Variants in TJP2 observed in about 807,000 individuals in gnomAD.
TJP2 encodes the protein tight junction protein 2.
In TJP2, 91 loss-of-function variants were observed where a neutral mutation model predicts 133.1. The ratio of observed to expected loss-of-function variants is 0.68; its 90% CI spans 0.58 to 0.81. The LOEUF (loss-of-function observed/expected upper bound fraction) is 0.81, where lower values mean the gene tolerates loss of function less well. TJP2 is among the 40% of genes least tolerant of loss of function. The pLI, the probability that TJP2 is intolerant of heterozygous loss-of-function variation, is 0.00. For synonymous variants in TJP2, 592 were observed against 583.4 expected (o/e 1.01, Z -0.21); for missense variants, 1,541 against 1,565.6 (o/e 0.98, Z 0.26).
At position 69,219,033 on chromosome 9, in the gene TJP2, G is replaced by A. The variant is rs528231153; in HGVS notation, c.342+674G>A. ...TGCCCAGGCTGGAGTGCAATGGCAC[G>A]ATCTTGGCTGACCACAATCTCCGCC... On this transcript the variant is annotated intron_variant, in intron 4 of 22. Transcript: ENST00000377245. Among the ~76,000 whole-genome samples, 7 of 150,822 alleles carry A rather than the reference G, an allele frequency of 4.6e-5. No individual in the cohort carries two copies. In the South Asian group the frequency reaches 1.5e-3, roughly 31 times the overall value.
chr9:69,204,639 C>A (rs1482740741), intron 1 of TJP2, among the ~76,000 whole-genome samples: 1 of 152,220 alleles, frequency 6.6e-6, no homozygotes, highest in Non-Finnish European at 1.5e-5. Context: ...CTTGTTATCT[C>A]CAAGGACGTA....
At position 69,249,148 on chromosome 9, in the gene TJP2, T is replaced by TA. The variant is rs895849805; in HGVS notation, c.2881-221dup. The TA allele has an allele frequency of 1.7e-5, 17 of 985,274 alleles. No individual in the cohort carries two copies. The African/African-American group carries it at 2.8e-4, about 16-fold the overall frequency. 61.0% of individuals were successfully genotyped at this position (985,274 alleles called of 1,614,324 possible). On this transcript the variant is annotated intron_variant, in intron 19 of 22. Coordinates refer to ENST00000377245, the MANE Select transcript of TJP2 (RefSeq NM_004817.4). ...AGATTTTAGACTTTTGGAGGGTTCT[T>TA]AAAAAATTGTGCTTTAAAGGAAGAG...
intron 2 of TJP2, among the ~76,000 whole-genome samples, chr9:69,166,671 C>T (rs866294666): frequency 4.6e-5 from 7 of 150,554 alleles, no homozygotes; most frequent in South Asian, 4.3e-4. Flanking sequence ...GACGGGGTTT[C>T]ACCATGTTGG....
At chr9:69,176,287 A>C (rs1317926157) in intron 1 of TJP2, among the ~76,000 whole-genome samples, 3 of 152,190 alleles carry the variant, frequency 2.0e-5, no homozygotes, top group African/African-American at 7.2e-5. Flanking sequence ...AATGACAGAG[A>C]GTACAAGGCA....
At chr9:69,247,404 A>G (rs1383587425) in intron 18 of TJP2, among the ~76,000 whole-genome samples, 1 of 152,158 alleles carries the variant, frequency 6.6e-6, no homozygotes, top group Admixed American at 6.5e-5. Context: ...TTTTGGTGTT[A>G]GTATCCTGTT....
Position 69,199,257 on chromosome 9 carries a change from T to C in TJP2, c.61-13291T>C, listed in dbSNP as rs189299086. Among the ~76,000 whole-genome samples, 377 of 152,244 alleles carry C rather than the reference T, an allele frequency of 2.5e-3. 2 individuals carry two copies. The highest frequency in any genetic ancestry group is 4.6e-3 in the Non-Finnish European group (315 of 68,008). On this transcript the variant is annotated intron_variant, in intron 1 of 22. Transcript: ENST00000377245. The stretch of plus-strand genomic sequence containing the variant: ...GACACAACATAATACCAGAGGGGGC[T>C]GAACGTGGTGGCTCACATCTGTAAT...
chr9:69,174,140 C>CA (rs1824864331), upstream of TJP2: 20 of 1,250,244 alleles, frequency 1.6e-5, no homozygotes, highest in Non-Finnish European at 1.4e-5. Flanking sequence ...GCCAATTTGA[C>CA]AGTTTCCCGG....
intron 5 of TJP2, among the ~76,000 whole-genome samples, chr9:69,224,163 C>T (rs1326903481): frequency 6.6e-6 from 1 of 152,106 alleles, no homozygotes; most frequent in African/African-American, 2.4e-5. Flanking sequence ...CCATAAACTC[C>T]CAAAGCTATG....
chr9:69,156,352 A>C (rs1823755602), intron 2 of TJP2, among the ~76,000 whole-genome samples: 1 of 151,960 alleles, frequency 6.6e-6, no homozygotes, highest in Non-Finnish European at 1.5e-5. Flanking sequence ...ACAGAGTGAG[A>C]CTCTGTCCCA....
At chr9:69,178,551 G>A (rs868520410) in intron 1 of TJP2, among the ~76,000 whole-genome samples, 2 of 152,260 alleles carry the variant, frequency 1.3e-5, no homozygotes, top group South Asian at 2.1e-4. Context: ...CCTTGACCAC[G>A]CCTTCAAGAA....
At chr9:69,137,077 C>T (rs916080371) in intron 1 of TJP2, among the ~76,000 whole-genome samples, 1 of 152,168 alleles carries the variant, frequency 6.6e-6, no homozygotes, top group East Asian at 1.9e-4. Flanking sequence ...TTCCTTAGCT[C>T]TGCCTGATCC....
chr9:69,244,637 C>T (rs1008046704), intron 17 of TJP2, among the ~76,000 whole-genome samples: 1 of 152,148 alleles, frequency 6.6e-6, no homozygotes. Context: ...ATCTGAGAAG[C>T]GGAATGAGAG....
intron 17 of TJP2, among the ~76,000 whole-genome samples, chr9:69,241,678 A>G (rs1255921896): frequency 3.3e-5 from 5 of 152,184 alleles, no homozygotes; most frequent in Admixed American, 2.6e-4. Flanking sequence ...TACTACTAGT[A>G]TTATAATTAT....
intron 2 of TJP2, among the ~76,000 whole-genome samples, chr9:69,161,439 G>A (rs1824066436): frequency 6.6e-6 from 1 of 152,098 alleles, no homozygotes; most frequent in Non-Finnish European, 1.5e-5. Flanking sequence ...ATCTTGGCTA[G>A]GCAGGTCTCG....
chr9:69,169,600 T>G (rs1824567175), upstream of TJP2, among the ~76,000 whole-genome samples: 1 of 152,214 alleles, frequency 6.6e-6, no homozygotes, highest in Admixed American at 6.5e-5. Flanking sequence ...TCTCAGTTGA[T>G]CCATCCGCCT....
upstream of TJP2, among the ~76,000 whole-genome samples, chr9:69,173,653 G>A (rs1409510367): frequency 6.6e-6 from 1 of 152,194 alleles, no homozygotes; most frequent in Non-Finnish European, 1.5e-5. Context: ...GGGGTACAAG[G>A]CCGTGTATGT....
In TJP2 at chr9:69,174,288, C is replaced by G. The variant is rs1824883161; in HGVS notation, c.-85C>G. 6.5e-7 allele frequency: 1 copy of G among 1,549,050 alleles called. No homozygotes were observed. Among genetic ancestry groups the G allele is most frequent in the Admixed American group, 2.0e-5 (1 of 50,942 alleles). On this transcript the variant is annotated 5_prime_UTR_variant, in exon 1 of 23. Transcript: ENST00000377245. Reference sequence around the variant, plus strand: ...TTGGGCTGCGGGTCAGAGCACTGTCCGGTGGTGCCCAGGAGGAGTAGGAGC... The same window carrying G: ...TTGGGCTGCGGGTCAGAGCACTGTCGGGTGGTGCCCAGGAGGAGTAGGAGC...
chr9:69,218,539 C>T, intron 4 of TJP2, 180 bp downstream of exon 4: 1 of 646,682 alleles, frequency 1.5e-6, no homozygotes, highest in Non-Finnish European at 2.8e-6. Flanking sequence ...CCTACTTTTC[C>T]TTGTGTCTTC....
At position 69,221,319 on chromosome 9, in the gene TJP2, C is replaced by T. The variant is rs1163893173; in HGVS notation, c.775C>T (p.Pro259Ser). ...GCGAGCCTATCACCGGGCCTACGAC[C>T]CAGACTACGAGCGGGCCTACAGCCC... Reference protein sequence around the residue: ...YERAYHRAYDPDYERAYSPEY... With the variant: ...YERAYHRAYDSDYERAYSPEY... The change falls in exon 5 of 23, where the codon CCA (proline) becomes TCA (serine). Residue 259 changes from proline to serine, a missense_variant. Physicochemically the swap from Pro to Ser is moderately conservative, Grantham distance 74. Transcript: ENST00000377245. 2 of 1,602,486 alleles carry T rather than the reference C, an allele frequency of 1.2e-6. No homozygotes were observed. Among genetic ancestry groups the T allele is most frequent in the Admixed American group, 3.4e-5 (2 of 58,626 alleles).
Sources: allele counts gnomAD v4.1 joint callset (sites outside exome capture counted in the v4.1 genomes callset), GRCh38; gene constraint gnomAD v4.1.1; transcripts MANE v1.5; gene names NCBI Gene and HGNC (gene_info 2026-07-23, HGNC 2026-07-21).